Variants in MYL1 observed in about 807,000 individuals in gnomAD.
The protein encoded by MYL1 is myosin light chain 1/3, skeletal muscle isoform.
MYL1 carries 16 observed loss-of-function variants against 21.8 expected under a neutral mutation model. The ratio of observed to expected loss-of-function variants is 0.74; its 90% CI spans 0.50 to 1.12. The LOEUF (loss-of-function observed/expected upper bound fraction) is 1.12, where lower values mean the gene tolerates loss of function less well. MYL1 is among the 50% of genes most tolerant of loss of function. The pLI, the probability that MYL1 is intolerant of heterozygous loss-of-function variation, is 0.00. For synonymous variants in MYL1, 99 were observed against 85.2 expected (o/e 1.16, Z -0.89); for missense variants, 246 against 241.0 (o/e 1.02, Z -0.14).
Position 210,308,366 on chromosome 2 carries a change from AT to A in MYL1, c.133-5852del, listed in dbSNP as rs1384385159. Among the ~76,000 whole-genome samples, 6 of 138,780 alleles carry A rather than the reference AT, an allele frequency of 4.3e-5. No individual in the cohort carries two copies. The East Asian group carries it at 1.3e-3, about 29-fold the overall frequency. 91.0% of individuals were successfully genotyped at this position (138,780 alleles called of 152,430 possible). A position where few individuals can be genotyped will look rare whatever the true frequency, so the allele number is the denominator to read the frequency against. ...AGTCGAAGGAAATAAATATTTTTGC[AT>A]TTTTGACTTCAACATAGGATATACT... On this transcript the variant is annotated intron_variant, in intron 1 of 6. Transcript: ENST00000352451.
At chr2:210,292,412 G>T (rs2125738170) in intron 5 of MYL1, among the ~76,000 whole-genome samples, 1 of 152,260 alleles carries the variant, frequency 6.6e-6, no homozygotes, top group South Asian at 2.1e-4. Context: ...AATTATTAAT[G>T]TAGTTTGTCA....
chr2:210,302,553 C>T (rs1413960763), intron 1 of MYL1, 38 bp from the exon 2 acceptor site: 2 of 1,595,702 alleles, frequency 1.3e-6, no homozygotes, highest in Non-Finnish European at 8.5e-7. Flanking sequence ...ATGTTTTAAC[C>T]AAACAAAAAT....
chr2:210,302,535 C>A lies in MYL1; in HGVS notation c.133-20G>T. The A allele has an allele frequency of 6.2e-7, 1 of 1,606,478 alleles. No homozygotes were observed. Among genetic ancestry groups the A allele is most frequent in the South Asian group, 1.1e-5 (1 of 89,298 alleles). On this transcript the variant is annotated intron_variant, in intron 1 of 6. Coordinates refer to ENST00000352451, the MANE Select transcript of MYL1 (RefSeq NM_079420.3). ...CTCGATCTGTTAGAAAGAAATTGAC[C>A]ACAAAGAATGTTTTAACCAAACAAA...
intron 2 of MYL1, among the ~76,000 whole-genome samples, chr2:210,301,242 T>C (rs183336107): frequency 1.3e-5 from 2 of 152,228 alleles, no homozygotes; most frequent in African/African-American, 4.8e-5. Context: ...CTGTTTTCAA[T>C]GAGAAAAAAG....
At chr2:210,309,525 C>A (rs908054749) in intron 1 of MYL1, among the ~76,000 whole-genome samples, 2 of 151,960 alleles carry the variant, frequency 1.3e-5, no homozygotes, top group African/African-American at 4.8e-5. Context: ...TAATTGAAGC[C>A]ATTTCTACTT....
At chr2:210,301,698 T>C (rs1246071377) in intron 2 of MYL1, among the ~76,000 whole-genome samples, 1 of 152,108 alleles carries the variant, frequency 6.6e-6, no homozygotes, top group East Asian at 1.9e-4. Context: ...AACATCAAGC[T>C]CCTGTGGAGT....
At chr2:210,295,552 G>A (rs537475233) in intron 3 of MYL1, among the ~76,000 whole-genome samples, 1 of 152,132 alleles carries the variant, frequency 6.6e-6, no homozygotes, top group Non-Finnish European at 1.5e-5. Context: ...AAGCTGAGGT[G>A]GGAGGATTGC....
chr2:210,299,476 G>A (rs1373832559), intron 2 of MYL1, among the ~76,000 whole-genome samples: 3 of 152,032 alleles, frequency 2.0e-5, no homozygotes, highest in South Asian at 2.1e-4. Flanking sequence ...CAGTTTGCTC[G>A]ATTCATTGTG....
intron 2 of MYL1, among the ~76,000 whole-genome samples, chr2:210,300,253 A>G (rs1260087938): frequency 6.6e-6 from 1 of 152,168 alleles, no homozygotes; most frequent in African/African-American, 2.4e-5. Context: ...CTGTGACATT[A>G]ACACTTTTGG....
chr2:210,290,998 A>C (rs1690066312), intron 6 of MYL1, 34 bp downstream of exon 6: 1 of 1,433,722 alleles, frequency 7.0e-7, no homozygotes, highest in Non-Finnish European at 9.6e-7. Context: ...ATATCAAGAA[A>C]TCCTTAAATA....
chr2:210,293,356 G>A (rs1167234212), intron 5 of MYL1, among the ~76,000 whole-genome samples: 1 of 152,096 alleles, frequency 6.6e-6, no homozygotes, highest in African/African-American at 2.4e-5. Flanking sequence ...AACCTATTTG[G>A]CCCGAAGTTT....
Position 210,298,448 on chromosome 2 carries a change from C to G in MYL1, c.276G>C (p.Arg92Ser). 6.2e-7 allele frequency: 1 copy of G among 1,613,888 alleles called. No homozygotes were observed. The highest frequency in any genetic ancestry group is 8.5e-7 in the Non-Finnish European group (1 of 1,179,962). ...LGTNPTNAEVRKVLGNPSNEE... is the reference protein window; with the variant it reads ...LGTNPTNAEVSKVLGNPSNEE... ...CATTGCTGGGGTTTCCCAGAACTTT[C>G]CTGACCTCTGCATTGGTGGGATTTG... Residue 92 changes from arginine (R) to serine (S), a missense_variant, in exon 3 of 7, where the codon AGG (arginine) becomes AGC (serine). Coordinates refer to ENST00000352451, the MANE Select transcript of MYL1 (RefSeq NM_079420.3).
chr2:210,306,723 T>TG (rs1690346224), intron 1 of MYL1, among the ~76,000 whole-genome samples: 1 of 151,286 alleles, frequency 6.6e-6, no homozygotes, highest in Non-Finnish European at 1.5e-5. Flanking sequence ...TGGCACACTT[T>TG]TTTTTTTTTT....
rs200716120 is a variant in MYL1, at chr2:210,298,380, C to A, written c.304+40G>T. The A allele has an allele frequency of 1.9e-6, 3 of 1,572,510 alleles. No homozygotes were observed. In the South Asian group the frequency reaches 3.3e-5, roughly 17 times the overall value. ...CACACACACACACTGCTACACACTT[C>A]CCTATACTTCCACACTTCTTGGAAA... On this transcript the variant is annotated intron_variant, in intron 3 of 6. Coordinates refer to ENST00000352451, the MANE Select transcript of MYL1 (RefSeq NM_079420.3).
chr2:210,294,047 A>T (rs563619006), intron 4 of MYL1, among the ~76,000 whole-genome samples, 198 bp downstream of exon 4: 13 of 152,198 alleles, frequency 8.5e-5, no homozygotes, highest in Admixed American at 7.2e-4. Flanking sequence ...CTTATTCATT[A>T]CCAATATTTT....
intron 1 of MYL1, among the ~76,000 whole-genome samples, chr2:210,308,978 G>T (rs1388867530): frequency 6.6e-6 from 1 of 152,054 alleles, no homozygotes; most frequent in Non-Finnish European, 1.5e-5. Flanking sequence ...AAGAATATTG[G>T]CATTGCTGTC....
chr2:210,299,826 T>C (rs1690236179), intron 2 of MYL1, among the ~76,000 whole-genome samples: 1 of 152,150 alleles, frequency 6.6e-6, no homozygotes, highest in African/African-American at 2.4e-5. Context: ...TGTGAATAAA[T>C]TGGTAGAAGT....
In MYL1 at chr2:210,308,399, A is replaced by AATATATATATATATAT. The variant is rs71043988; in HGVS notation, c.133-5900_133-5885dup. On this transcript the variant is annotated intron_variant, in intron 1 of 6. Transcript: ENST00000352451. ...CTTCAACATAGGATATACTTAGGCT[A>AATATATATATATATAT]ATATATATATATATATATATATATA... Among the ~76,000 whole-genome samples the AATATATATATATATAT allele has an allele frequency of 2.4e-3, 200 of 84,688 alleles. 10 individuals are homozygous for AATATATATATATATAT. Among genetic ancestry groups the AATATATATATATATAT allele is most frequent in the Non-Finnish European group, 2.9e-3 (126 of 43,070 alleles). The allele number at this position is 84,688 out of a possible 152,430, so 55.6% of individuals were successfully genotyped here.
intron 6 of MYL1, among the ~76,000 whole-genome samples, chr2:210,290,774 A>G (rs1690063061): frequency 6.6e-6 from 1 of 152,158 alleles, no homozygotes; most frequent in African/African-American, 2.4e-5. Context: ...TTGAGTCTCC[A>G]CTGCATAATT....
Sources: gnomAD v4.1 joint callset for allele counts (sites outside exome capture counted in the v4.1 genomes callset) on GRCh38, gnomAD v4.1.1 for gene constraint, MANE v1.5 for transcripts, NCBI Gene and HGNC (gene_info 2026-07-23, HGNC 2026-07-21) for gene names.